The following ACO2 variants were observed in gnomAD, a reference collection of about 807,000 sequenced individuals.
ACO2 encodes the protein aconitate hydratase, mitochondrial.
In ACO2, 31 loss-of-function variants were observed where a neutral mutation model predicts 84.5. The ratio of observed to expected loss-of-function variants is 0.37; its 90% CI spans 0.28 to 0.50. ACO2 has a LOEUF of 0.50. Ranked by LOEUF, ACO2 falls within the 20% of genes least tolerant of loss-of-function variation. The pLI, the probability that ACO2 is intolerant of heterozygous loss-of-function variation, is 0.97. For missense variants in ACO2, 685 were observed against 1,029.3 expected (o/e 0.67, Z 4.58); for synonymous variants, 414 against 412.7 (o/e 1.00, Z -0.04).
chr22:41,472,001 G>A (rs537098329), intron 1 of ACO2, among the ~76,000 whole-genome samples: 2 of 152,172 alleles, frequency 1.3e-5, no homozygotes, highest in Admixed American at 6.5e-5. Flanking sequence ...TTTCAATCAT[G>A]TAATAGTTGT....
intron 9 of ACO2, chr22:41,521,233 T>A (rs1314441127): frequency 6.6e-6 from 1 of 152,168 alleles, no homozygotes; most frequent in African/African-American, 2.4e-5. Flanking sequence ...GTGCATAGAT[T>A]TTCCCGTTTT....
chr22:41,487,263 T>C (rs892406741), intron 1 of ACO2, among the ~76,000 whole-genome samples: 5 of 152,222 alleles, frequency 3.3e-5, no homozygotes, highest in Admixed American at 3.3e-4. Context: ...CTCCTTCCCC[T>C]AAAGCCCATT....
At chr22:41,518,327 G>A (rs2066492099) in intron 7 of ACO2, among the ~76,000 whole-genome samples, 154 bp from the exon 8 acceptor site, 1 of 152,226 alleles carries the variant, frequency 6.6e-6, no homozygotes, top group African/African-American at 2.4e-5. Context: ...TGTGAGCTCT[G>A]TAAGGGCAGA....
intron 2 of ACO2, among the ~76,000 whole-genome samples, chr22:41,507,346 G>A (rs1454988479): frequency 6.6e-6 from 1 of 152,134 alleles, no homozygotes; most frequent in African/African-American, 2.4e-5. Flanking sequence ...GGCACAGAGG[G>A]AAGTAGCGAA....
intron 1 of ACO2, among the ~76,000 whole-genome samples, chr22:41,495,269 T>C (rs1288940595): frequency 1.3e-5 from 2 of 151,926 alleles, no homozygotes; most frequent in Non-Finnish European, 2.9e-5. Flanking sequence ...CTGGGCTCAA[T>C]TGATCCTCCT....
At chr22:41,471,962 C>A (rs945157642) in intron 1 of ACO2, among the ~76,000 whole-genome samples, 4 of 152,130 alleles carry the variant, frequency 2.6e-5, no homozygotes, top group African/African-American at 9.7e-5. Flanking sequence ...GTTTCCTTGC[C>A]TTTAGATACA....
intron 1 of ACO2, among the ~76,000 whole-genome samples, chr22:41,480,299 T>A (rs147335424): frequency 6.9e-4 from 105 of 152,332 alleles, no homozygotes; most frequent in African/African-American, 2.5e-3. Context: ...GTCATCCTTC[T>A]GTGAAATGGG....
chr22:41,526,273 G>C lies in ACO2; in HGVS notation c.1773G>C (p.Lys591Asn). Residue 591 changes from lysine to asparagine, a missense_variant, in exon 15 of 18, where the codon AAG (lysine) becomes AAC (asparagine). Around this residue, in one of 5 missense-constraint regions of ACO2, gnomAD observed 10 missense variants for 39.7 expected, o/e 0.25. Coordinates refer to ENST00000216254, the MANE Select transcript of ACO2 (RefSeq NM_001098.3). ...ACTTACCACCCAAGGTCAAAGGGAA[G>C]TGTACCACTGACCACATCTCAGCTG... ...DLQILIKVKGKCTTDHISAAG... is the reference protein window; with the variant it reads ...DLQILIKVKGNCTTDHISAAG... 6.2e-7 allele frequency: 1 copy of C among 1,612,206 alleles called. No homozygotes were observed. The highest frequency in any genetic ancestry group is 8.5e-7 in the Non-Finnish European group (1 of 1,179,942).
chr22:41,495,894 C>G (rs2066310152), intron 1 of ACO2, among the ~76,000 whole-genome samples: 2 of 151,906 alleles, frequency 1.3e-5, no homozygotes, highest in African/African-American at 4.8e-5. Flanking sequence ...AGCCACCGCG[C>G]TCAGCCACAG....
At chr22:41,474,021 G>C (rs182879626) in intron 1 of ACO2, among the ~76,000 whole-genome samples, 7 of 152,250 alleles carry the variant, frequency 4.6e-5, no homozygotes, top group Non-Finnish European at 8.8e-5. Context: ...GGGCTGCTGC[G>C]TGCATGATGG....
Position 41,524,925 on chromosome 22 carries a change from A to G in ACO2, c.1562A>G (p.Lys521Arg), listed in dbSNP as rs2066566266. ...TACCTGACGGGCACGGATGGCAAGA[A>G]GTTCAGGCTGGAGGCTCCGGATGCA... ...TDYLTGTDGK[K>R]FRLEAPDADE... The change falls in exon 13 of 18, where the codon AAG becomes AGG. Residue 521 changes from lysine to arginine, a missense_variant. Transcript: ENST00000216254. The G allele has an allele frequency of 6.2e-7, 1 of 1,614,174 alleles. No individual in the cohort carries two copies. Among genetic ancestry groups the G allele is most frequent in the South Asian group, 1.1e-5 (1 of 91,086 alleles).
chr22:41,497,751 C>T (rs911424018), intron 1 of ACO2, among the ~76,000 whole-genome samples: 5 of 151,980 alleles, frequency 3.3e-5, no homozygotes, highest in East Asian at 1.9e-4. Flanking sequence ...AGTGTGGCGG[C>T]GTGTGCCTGT....
chr22:41,517,489 G>A (rs373585187), intron 6 of ACO2, 38 bp from the exon 7 acceptor site: 89 of 1,588,194 alleles, frequency 5.6e-5, no homozygotes, highest in East Asian at 1.8e-4. Flanking sequence ...ACCCTGGCCC[G>A]GCCACCAGCC....
At chr22:41,489,130 C>A (rs1341197871) in intron 1 of ACO2, among the ~76,000 whole-genome samples, 2 of 152,116 alleles carry the variant, frequency 1.3e-5, no homozygotes, top group Non-Finnish European at 2.9e-5. Context: ...GCAGCCTTGA[C>A]CTTCTGGACT....
rs145625062 is a variant in ACO2 at position 41,480,241 on chromosome 22, C to T, written c.36+11059C>T. On this transcript the variant is annotated intron_variant, in intron 1 of 17. Transcript: ENST00000216254. ...TAGACAGAGTCCACCTGAGACTTCT[C>T]TGCCAGGAAGGGCTAGGCAGTTAGT... Among the ~76,000 whole-genome samples the T allele has an allele frequency of 2.1e-4, 32 of 152,342 alleles. No homozygotes were observed. In the East Asian group the frequency reaches 4.8e-3, roughly 23 times the overall value.
At chr22:41,508,127 C>A in intron 3 of ACO2, 78 bp downstream of exon 3, 1 of 1,506,986 alleles carries the variant, frequency 6.6e-7, no homozygotes. Flanking sequence ...TGGAGCAAAC[C>A]AGGGCATTGC....
intron 1 of ACO2, among the ~76,000 whole-genome samples, chr22:41,489,430 G>A (rs997192575): frequency 2.0e-5 from 3 of 152,042 alleles, no homozygotes; most frequent in Non-Finnish European, 2.9e-5. Context: ...TTTCCAAATC[G>A]AGATCTAATA....
Position 41,527,438 on chromosome 22 carries a change from C to G in ACO2, c.2086+18C>G. ...GATCCACGGTGAGCTGGAGTCTGTA[C>G]CCAGGCCATCCTCATCCCATCCCTA... is the stretch of plus-strand genomic sequence containing the variant. On this transcript the variant is annotated intron_variant, in intron 16 of 17. Transcript: ENST00000216254. 6.3e-7 allele frequency: 1 copy of G among 1,596,728 alleles called. No homozygotes were observed.
At chr22:41,496,150 A>G (rs1330945133) in intron 1 of ACO2, among the ~76,000 whole-genome samples, 6 of 151,684 alleles carry the variant, frequency 4.0e-5, no homozygotes, top group Admixed American at 6.6e-5. Context: ...CATCTCCACC[A>G]AGAAAGTACA....
Sources: gnomAD v4.1 joint callset for allele counts (sites outside exome capture counted in the v4.1 genomes callset) on GRCh38, gnomAD v4.1.1 for gene constraint, gnomAD v4.1.1 regional missense constraint, MANE v1.5 for transcripts, NCBI Gene and HGNC (gene_info 2026-07-23, HGNC 2026-07-21) for gene names.